Variants in CPNE8 observed in about 807,000 individuals in gnomAD.
CPNE8 encodes copine 8, also known as copine-8.
Under a neutral mutation model 81.5 loss-of-function variants are expected in CPNE8, and 45 were observed. The observed-to-expected ratio is 0.55, with a 90% CI of 0.44 to 0.71. CPNE8 has a LOEUF of 0.71. Among genes scored for constraint, CPNE8 ranks in the 30% least tolerant of loss-of-function variants. The pLI is 0.00. For missense variants in CPNE8, 594 were observed against 672.1 expected (o/e 0.88, Z 1.28); for synonymous variants, 252 against 226.3 (o/e 1.11, Z -1.02).
chr12:38,702,596 TAA>T (rs1395452508), intron 14 of CPNE8, among the ~76,000 whole-genome samples: 32 of 152,216 alleles, frequency 2.1e-4, no homozygotes, highest in African/African-American at 7.7e-4. Flanking sequence ...TCAGTACATC[TAA>T]AATTTGTATT....
intron 10 of CPNE8, among the ~76,000 whole-genome samples, chr12:38,736,846 T>C (rs1054935977): frequency 1.3e-5 from 2 of 152,068 alleles, no homozygotes; most frequent in South Asian, 2.1e-4. Context: ...AAAAGTAGAA[T>C]GGAATTTATT....
chr12:38,666,954 T>C (rs1019939527), intron 19 of CPNE8, among the ~76,000 whole-genome samples: 1 of 152,208 alleles, frequency 6.6e-6, no homozygotes. Context: ...TTTAATTCTA[T>C]AGCTCTTAGC....
chr12:38,905,443 G>T lies in CPNE8; in HGVS notation c.92C>A (p.Ser31Tyr), dbSNP rs1340978732. The change falls in exon 1 of 20, where the codon TCC becomes TAC. Residue 31 changes from serine (S) to tyrosine (Y), a missense_variant. Physicochemically the swap from Ser to Tyr is moderately radical, Grantham distance 144. Coordinates refer to ENST00000331366, the MANE Select transcript of CPNE8 (RefSeq NM_153634.3). Reference sequence around the variant, plus strand: ...GGAAGGGCTGCGTCCTCACCTGCAGGACACGGACACCTCCACCCGCGTGGC... The same window carrying T: ...GGAAGGGCTGCGTCCTCACCTGCAGTACACGGACACCTCCACCCGCGTGGC... ...IPATRVEVSVSCRNLLDRDTF... is the reference protein window; with the variant it reads ...IPATRVEVSVYCRNLLDRDTF... The T allele has an allele frequency of 1.3e-6, 2 of 1,563,910 alleles. No homozygotes were observed. Among genetic ancestry groups the T allele is most frequent in the Non-Finnish European group, 8.7e-7 (1 of 1,154,336 alleles).
chr12:38,887,311 G>A (rs578220224), intron 1 of CPNE8, among the ~76,000 whole-genome samples: 52 of 152,280 alleles, frequency 3.4e-4, no homozygotes, highest in African/African-American at 1.2e-3. Flanking sequence ...CTGAAAAGCA[G>A]CAGCTAGGTT....
chr12:38,715,726 T>C (rs1184319581), intron 13 of CPNE8, among the ~76,000 whole-genome samples: 4 of 152,064 alleles, frequency 2.6e-5, no homozygotes, highest in South Asian at 2.1e-4. Flanking sequence ...CCCCTGAGAA[T>C]TGGATCAAGA....
In CPNE8 at chr12:38,776,213, C is replaced by T. The variant is rs2136890854; in HGVS notation, c.471+25G>A. ...AGCATTTGAAGTATGGAAGTATTTT[C>T]TAAACCAAAGAAATATTTACTTACC... On this transcript the variant is annotated intron_variant, in intron 7 of 19. Transcript: ENST00000331366. 3 of 1,355,858 alleles carry T rather than the reference C, an allele frequency of 2.2e-6. 1 individual carries two copies. The East Asian group carries it at 7.0e-5, about 32-fold the overall frequency. The allele number at this position is 1,355,858 out of a possible 1,614,324, so 84.0% of individuals were successfully genotyped here. A position where few individuals can be genotyped will look rare whatever the true frequency, so the allele number is the denominator to read the frequency against.
chr12:38,669,991 A>G (rs1001249659), intron 19 of CPNE8, among the ~76,000 whole-genome samples: 1 of 152,154 alleles, frequency 6.6e-6, no homozygotes, highest in Non-Finnish European at 1.5e-5. Context: ...CGTGGCCTGT[A>G]AGAGAGTGCA....
At chr12:38,906,184 T>C, upstream of CPNE8, 1 of 985,654 alleles carries the variant, frequency 1.0e-6, no homozygotes, top group Non-Finnish European at 1.2e-6. Context: ...TCCCTCCTAC[T>C]GTGCCCTCGG....
At chr12:38,874,827 A>C (rs1029116722) in intron 1 of CPNE8, among the ~76,000 whole-genome samples, 1 of 152,132 alleles carries the variant, frequency 6.6e-6, no homozygotes. Flanking sequence ...TTAGGTTTCC[A>C]TTTAATCCTT....
chr12:38,826,877 T>C (rs911394042), intron 6 of CPNE8, among the ~76,000 whole-genome samples: 6 of 151,760 alleles, frequency 4.0e-5, no homozygotes, highest in Non-Finnish European at 8.8e-5. Context: ...TAAAAATATG[T>C]ATACCACATA....
rs578076006 is a variant in CPNE8 at position 38,844,819 on chromosome 12, CT to C, written c.290+3739del. On this transcript the variant is annotated intron_variant, in intron 4 of 19. Transcript: ENST00000331366. The stretch of plus-strand genomic sequence containing the variant: ...TTTAGATAAAACATGTTCAAAGCTT[CT>C]TTTTTAACTTGTTTAGACTTTTATA... 1.0e-3 allele frequency among the ~76,000 whole-genome samples: 159 copies of C among 152,166 alleles called. 2 individuals are homozygous for C. Among genetic ancestry groups the C allele is most frequent in the African/African-American group, 3.7e-3 (152 of 41,526 alleles).
chr12:38,754,688 T>C (rs536984585), intron 10 of CPNE8, among the ~76,000 whole-genome samples: 2 of 151,878 alleles, frequency 1.3e-5, no homozygotes, highest in Non-Finnish European at 2.9e-5. Context: ...TAAAGTGAAA[T>C]GGGACAAAAA....
intron 1 of CPNE8, among the ~76,000 whole-genome samples, chr12:38,891,244 A>G (rs566297484): frequency 1.3e-5 from 2 of 152,172 alleles, no homozygotes; most frequent in East Asian, 3.9e-4. Context: ...TTATCCGTCA[A>G]TATTTAGAAT....
At chr12:38,900,605 G>A (rs1263585467) in intron 1 of CPNE8, among the ~76,000 whole-genome samples, 1 of 152,154 alleles carries the variant, frequency 6.6e-6, no homozygotes, top group Admixed American at 6.5e-5. Flanking sequence ...GAAAAGAAGG[G>A]GAAGGGAGGT....
intron 6 of CPNE8, among the ~76,000 whole-genome samples, chr12:38,807,034 C>G (rs1308997986): frequency 6.6e-6 from 1 of 152,024 alleles, no homozygotes; most frequent in African/African-American, 2.4e-5. Flanking sequence ...CCTAGTAATC[C>G]AACTTACAAG....
chr12:38,749,538 A>ACCAAAAGC (rs1444731338), intron 10 of CPNE8, among the ~76,000 whole-genome samples: 1 of 152,190 alleles, frequency 6.6e-6, no homozygotes, highest in Admixed American at 6.5e-5. Flanking sequence ...AATGGCTTTC[A>ACCAAAAGC]CCAAAAGCCT....
At chr12:38,737,156 C>T (rs539592942) in intron 10 of CPNE8, among the ~76,000 whole-genome samples, 27 of 151,078 alleles carry the variant, frequency 1.8e-4, no homozygotes, top group Admixed American at 3.3e-4. Flanking sequence ...CATTATTATA[C>T]GCAAAACAAA....
rs1337507589 is a variant in CPNE8 at position 38,670,807 on chromosome 12, A to G, written c.1433-5T>C. The G allele has an allele frequency of 1.9e-6, 3 of 1,596,772 alleles. No individual in the cohort carries two copies. The highest frequency in any genetic ancestry group is 2.6e-6 in the Non-Finnish European group (3 of 1,167,554). On this transcript the variant is annotated splice_region_variant and splice_polypyrimidine_tract_variant and intron_variant, in intron 18 of 19. Coordinates refer to ENST00000331366, the MANE Select transcript of CPNE8 (RefSeq NM_153634.3). ...CTCCATCCAATTCGACCATTGCTTT[A>G]AGAGAAAATATGATCATTTATTCAG...
At chr12:38,817,614 CT>C (rs869168296) in intron 6 of CPNE8, among the ~76,000 whole-genome samples, 2,090 of 90,436 alleles carry the variant, frequency 0.023, 19 homozygotes, top group African/African-American at 0.079. Flanking sequence ...TTAATTTATT[CT>C]TTTTTTTTTT....
Sources: gnomAD v4.1 joint callset for allele counts (sites outside exome capture counted in the v4.1 genomes callset) on GRCh38, gnomAD v4.1.1 for gene constraint, MANE v1.5 for transcripts, NCBI Gene and HGNC (gene_info 2026-07-23, HGNC 2026-07-21) for gene names.